The following RAB1A variants were observed in gnomAD, a reference collection of about 807,000 sequenced individuals.
RAB1A encodes ras-related protein Rab-1A.
A neutral mutation model predicts 26.0 loss-of-function variants in RAB1A; 2 were observed. The observed-to-expected ratio is 0.08, with a 90% confidence interval of 0.03 to 0.24. RAB1A has a LOEUF of 0.24. Ranked by LOEUF, RAB1A falls within the 10% of genes least tolerant of loss-of-function variation. The pLI, the probability that RAB1A is intolerant of heterozygous loss-of-function variation, is 1.00. For missense variants in RAB1A, 100 were observed against 247.0 expected (o/e 0.40, Z 3.99); for synonymous variants, 84 against 84.9 (o/e 0.99, Z 0.06).
chr2:65,088,846 A>AT, intron 5 of RAB1A, 93 bp downstream of exon 5: 10 of 1,397,390 alleles, frequency 7.2e-6, no homozygotes, highest in Non-Finnish European at 9.7e-6. Context: ...TAGTGCACAT[A>AT]TTTTTAAAAG....
intron 1 of RAB1A, among the ~76,000 whole-genome samples, chr2:65,118,794 T>C (rs1460687844): frequency 2.0e-5 from 3 of 152,208 alleles, no homozygotes; most frequent in Non-Finnish European, 4.4e-5. Context: ...GCTATTTTCT[T>C]TACCAAGCCT....
chr2:65,095,788 G>T (rs1033060961), intron 3 of RAB1A, among the ~76,000 whole-genome samples: 1 of 151,768 alleles, frequency 6.6e-6, no homozygotes, highest in South Asian at 2.1e-4. Context: ...AAGACGGGTG[G>T]ATCACTTGAG....
At chr2:65,102,335 CAT>C (rs1669450321) in intron 2 of RAB1A, among the ~76,000 whole-genome samples, 1 of 151,938 alleles carries the variant, frequency 6.6e-6, no homozygotes, top group Non-Finnish European at 1.5e-5. Flanking sequence ...TTCTAGTACT[CAT>C]GGTTTTATTT....
intron 2 of RAB1A, among the ~76,000 whole-genome samples, chr2:65,101,001 CCAGG>C (rs1472548390): frequency 6.6e-6 from 1 of 151,886 alleles, no homozygotes; most frequent in Non-Finnish European, 1.5e-5. Context: ...CAAAAATTAG[CCAGG>C]CACAGTAGTA....
intron 1 of RAB1A, among the ~76,000 whole-genome samples, chr2:65,114,594 A>G (rs1344178289): frequency 2.4e-4 from 37 of 152,238 alleles, no homozygotes; most frequent in East Asian, 1.9e-4. Context: ...CTGTAATCCC[A>G]GCACTTTGGG....
chr2:65,125,677 G>A (rs1670081397), intron 1 of RAB1A, among the ~76,000 whole-genome samples: 1 of 151,344 alleles, frequency 6.6e-6, no homozygotes, highest in Non-Finnish European at 1.5e-5. Flanking sequence ...GCCTCCCAAA[G>A]TGCTGAGATT....
intron 2 of RAB1A, among the ~76,000 whole-genome samples, chr2:65,101,741 CCTT>C (rs1395979502): frequency 2.3e-5 from 3 of 129,958 alleles, no homozygotes; most frequent in Non-Finnish European, 4.8e-5. Context: ...TGTATTACTT[CCTT>C]TTTTTTTTTT....
chr2:65,119,769 C>T lies in RAB1A; in HGVS notation c.23+10124G>A, dbSNP rs909757793. 2.5e-5 allele frequency among the ~76,000 whole-genome samples: 3 copies of T among 121,976 alleles called. No individual in the cohort carries two copies. The Admixed American group carries it at 3.3e-4, about 13-fold the overall frequency. 80.0% of individuals were successfully genotyped at this position (121,976 alleles called of 152,430 possible). On this transcript the variant is annotated intron_variant, in intron 1 of 5. Coordinates refer to ENST00000409784, the MANE Select transcript of RAB1A (RefSeq NM_004161.5). The stretch of plus-strand genomic sequence containing the variant: ...GCTGTAATCCTAGCACTTTGGGAGG[C>T]TAAGGTAGGAGGACTGCTTGAGCCA...
intron 1 of RAB1A, among the ~76,000 whole-genome samples, chr2:65,128,992 C>T (rs902038767): frequency 6.6e-6 from 1 of 152,058 alleles, no homozygotes; most frequent in Non-Finnish European, 1.5e-5. Context: ...TTTCATGACA[C>T]GTCATGGAAC....
chr2:65,103,812 C>G lies in RAB1A; in HGVS notation c.96+922G>C, dbSNP rs1334284993. Among the ~76,000 whole-genome samples the G allele has an allele frequency of 8.6e-5, 13 of 151,304 alleles. No homozygotes were observed. The South Asian group carries it at 2.7e-3, about 32-fold the overall frequency. On this transcript the variant is annotated intron_variant, in intron 2 of 5. Coordinates refer to ENST00000409784, the MANE Select transcript of RAB1A (RefSeq NM_004161.5). ...TTCTTTTTTTTTTGAGACAGTCTTG[C>G]TCTGTTGCCAGGCTGGAGTGCAGTG...
At chr2:65,105,769 C>CT (rs375474499) in intron 1 of RAB1A, among the ~76,000 whole-genome samples, 15,598 of 146,394 alleles carry the variant, frequency 0.11, 1,076 homozygotes, top group South Asian at 0.2. Flanking sequence ...GAAAACCAAG[C>CT]TTTTTTTTTT....
Position 65,104,000 on chromosome 2 carries a change from G to C in RAB1A, c.96+734C>G, listed in dbSNP as rs7590690. Among the ~76,000 whole-genome samples the C allele has an allele frequency of 2.0e-5, 3 of 151,798 alleles. No individual in the cohort carries two copies. In the South Asian group the frequency reaches 6.2e-4, roughly 31 times the overall value. On this transcript the variant is annotated intron_variant, in intron 2 of 5. Transcript: ENST00000409784. The stretch of plus-strand genomic sequence containing the variant: ...TCACCGTGTTAGCCAGGATGGTCTC[G>C]ATCTCTTGACCTTGTGATCCGCCCG...
At chr2:65,095,057 G>A (rs1669251017) in intron 3 of RAB1A, among the ~76,000 whole-genome samples, 5 of 152,106 alleles carry the variant, frequency 3.3e-5, no homozygotes, top group Admixed American at 2.6e-4. Flanking sequence ...GTCTCTAAAA[G>A]AATCATGTAG....
At chr2:65,126,016 C>T (rs1463920488) in intron 1 of RAB1A, among the ~76,000 whole-genome samples, 2 of 151,334 alleles carry the variant, frequency 1.3e-5, no homozygotes, top group Non-Finnish European at 2.9e-5. Context: ...GGATTACAGG[C>T]GCCAGCCAAC....
At chr2:65,105,922 C>T (rs1669545754) in intron 1 of RAB1A, among the ~76,000 whole-genome samples, 1 of 152,104 alleles carries the variant, frequency 6.6e-6, no homozygotes, top group South Asian at 2.1e-4. Flanking sequence ...GCCACCACGC[C>T]CAGCTAATTT....
At chr2:65,105,532 A>C (rs1341430942) in intron 1 of RAB1A, 1 of 151,092 alleles carries the variant, frequency 6.6e-6, no homozygotes, top group Non-Finnish European at 1.5e-5. Context: ...AAAAAAAAAA[A>C]AAAAAAAATT....
chr2:65,123,825 G>T (rs1024089592), intron 1 of RAB1A, among the ~76,000 whole-genome samples: 10 of 144,930 alleles, frequency 6.9e-5, no homozygotes, highest in African/African-American at 2.5e-4. Flanking sequence ...GTCTCAAAAA[G>T]AAAAAAAAAG....
At chr2:65,103,304 A>AAAAAC (rs1553392775) in intron 2 of RAB1A, among the ~76,000 whole-genome samples, 3 of 112,502 alleles carry the variant, frequency 2.7e-5, no homozygotes, top group Non-Finnish European at 5.5e-5. Context: ...TGTCTCAAAA[A>AAAAAC]AAAAAAAAAA....
At chr2:65,112,521 G>C (rs1360911868) in intron 1 of RAB1A, among the ~76,000 whole-genome samples, 1 of 152,116 alleles carries the variant, frequency 6.6e-6, no homozygotes, top group Non-Finnish European at 1.5e-5. Flanking sequence ...AATTGGGCTG[G>C]GTTTGTAAAA....
Sources: gnomAD v4.1 joint callset for allele counts (sites outside exome capture counted in the v4.1 genomes callset) on GRCh38, gnomAD v4.1.1 for gene constraint, MANE v1.5 for transcripts, NCBI Gene and HGNC (gene_info 2026-07-23, HGNC 2026-07-21) for gene names.